SYT9: variants seen among roughly 807,000 people sequenced by gnomAD.
The protein encoded by SYT9 is synaptotagmin 9, also known as synaptotagmin-9.
In SYT9, 22 loss-of-function variants were observed where a neutral mutation model predicts 48.4. The observed-to-expected ratio is 0.45, with a 90% CI of 0.32 to 0.65. The LOEUF (loss-of-function observed/expected upper bound fraction) is 0.65, where lower values mean the gene tolerates loss of function less well. Among genes scored for constraint, SYT9 ranks in the 30% least tolerant of loss-of-function variants. The pLI is 0.03. For synonymous variants in SYT9, 265 were observed against 245.0 expected, an observed-to-expected ratio of 1.08 and a Z score of -0.76; for missense variants, 577 against 622.0, an observed-to-expected ratio of 0.93 and a Z score of 0.77.
At chr11:7,428,704 G>A (rs956766934) in intron 6 of SYT9, among the ~76,000 whole-genome samples, 1 of 152,186 alleles carries the variant, frequency 6.6e-6, no homozygotes, top group African/African-American at 2.4e-5. Flanking sequence ...AATGGAAGGG[G>A]AAGGGCAGAG....
intron 6 of SYT9, 90 bp downstream of exon 6, chr11:7,420,725 G>A: frequency 6.6e-7 from 1 of 1,517,660 alleles, no homozygotes; most frequent in Non-Finnish European, 9.0e-7. Flanking sequence ...GAGTGCACCA[G>A]GATCTATGGT....
At chr11:7,406,682 C>T (rs1042109079) in intron 3 of SYT9, among the ~76,000 whole-genome samples, 13 of 151,928 alleles carry the variant, frequency 8.6e-5, no homozygotes, top group South Asian at 6.3e-4. Context: ...CTCTGATACA[C>T]GGATTTCCTT....
chr11:7,403,564 CAG>C (rs59032816), intron 3 of SYT9, among the ~76,000 whole-genome samples: 3,703 of 150,372 alleles, frequency 0.025, 140 homozygotes, highest in African/African-American at 0.083. Context: ...AATAAATAAA[CAG>C]AGAGAGAGAG....
chr11:7,269,567 C>T (rs1281953039), intron 1 of SYT9, among the ~76,000 whole-genome samples: 2 of 152,108 alleles, frequency 1.3e-5, no homozygotes, highest in African/African-American at 4.8e-5. Flanking sequence ...ACTTCAAATT[C>T]AAAGTCACAT....
chr11:7,451,969 G>T (rs1261406215), intron 6 of SYT9, among the ~76,000 whole-genome samples: 1 of 152,090 alleles, frequency 6.6e-6, no homozygotes, highest in Non-Finnish European at 1.5e-5. Context: ...CAACTCTAGA[G>T]AAAGAGATAG....
intron 3 of SYT9, among the ~76,000 whole-genome samples, chr11:7,376,684 A>T (rs1850461234): frequency 1.3e-5 from 2 of 152,054 alleles, no homozygotes; most frequent in Admixed American, 6.6e-5. Context: ...CTAATATAGC[A>T]TTGGGTAGAG....
At chr11:7,291,248 G>T (rs72855023) in intron 1 of SYT9, among the ~76,000 whole-genome samples, 2 of 152,184 alleles carry the variant, frequency 1.3e-5, no homozygotes, top group African/African-American at 4.8e-5. Context: ...GAGTGGAGGA[G>T]AGTAGATTTG....
rs187783703 is a variant in SYT9 at position 7,276,210 on chromosome 11, A to T, written c.145+23879A>T. 9.9e-5 allele frequency among the ~76,000 whole-genome samples: 15 copies of T among 151,940 alleles called. No individual in the cohort carries two copies. The South Asian group carries it at 2.3e-3, about 23-fold the overall frequency. On this transcript the variant is annotated intron_variant, in intron 1 of 6. Coordinates refer to ENST00000318881, the MANE Select transcript of SYT9 (RefSeq NM_175733.4). ...CCACATCCTCACTTTCCCATATCCA[A>T]CAGTCACCAGTTCCCGCCAGTTTTA...
intron 3 of SYT9, among the ~76,000 whole-genome samples, chr11:7,364,260 G>A (rs1850200668): frequency 6.6e-6 from 1 of 152,158 alleles, no homozygotes. Context: ...TAGTGATGTT[G>A]GCAGCGAGTT....
intron 6 of SYT9, among the ~76,000 whole-genome samples, chr11:7,446,955 C>T (rs79178863): frequency 0.022 from 3,311 of 152,286 alleles, 96 homozygotes; most frequent in African/African-American, 0.073. Flanking sequence ...TCAGCATCGC[C>T]AGGGCTGTCC....
intron 6 of SYT9, among the ~76,000 whole-genome samples, chr11:7,442,853 CA>C (rs5789518): frequency 6.6e-6 from 1 of 150,658 alleles, no homozygotes; most frequent in Non-Finnish European, 1.5e-5. Context: ...TACATCCATT[CA>C]AAAAAAAAGT....
intron 3 of SYT9, among the ~76,000 whole-genome samples, chr11:7,365,348 T>C (rs898015809): frequency 2.6e-5 from 4 of 152,216 alleles, no homozygotes; most frequent in Non-Finnish European, 4.4e-5. Flanking sequence ...TTTGGTATTT[T>C]CTCAGCCGAA....
intron 2 of SYT9, among the ~76,000 whole-genome samples, chr11:7,306,892 C>A (rs1336246521): frequency 6.6e-6 from 1 of 152,192 alleles, no homozygotes; most frequent in African/African-American, 2.4e-5. Flanking sequence ...TTTGTTTCTT[C>A]CTGTCTATCC....
At chr11:7,247,731 T>G (rs1400114967), upstream of SYT9, among the ~76,000 whole-genome samples, 1 of 150,846 alleles carries the variant, frequency 6.6e-6, no homozygotes, top group Non-Finnish European at 1.5e-5. Flanking sequence ...CATTGATTGA[T>G]GGACATTTGG....
chr11:7,336,912 A>G (rs895848540), intron 3 of SYT9, among the ~76,000 whole-genome samples: 2 of 152,214 alleles, frequency 1.3e-5, no homozygotes, highest in African/African-American at 4.8e-5. Context: ...TAATAGGAAT[A>G]GCATTGGATC....
intron 3 of SYT9, among the ~76,000 whole-genome samples, chr11:7,406,535 CAT>C (rs57371051): frequency 0.088 from 11,815 of 134,938 alleles, 555 homozygotes; most frequent in East Asian, 0.25. Flanking sequence ...TTCAATTGCG[CAT>C]ATATATATAT....
chr11:7,241,038 T>C (rs1847734432), intron 1 of SYT9, among the ~76,000 whole-genome samples: 1 of 152,158 alleles, frequency 6.6e-6, no homozygotes, highest in Non-Finnish European at 1.5e-5. Flanking sequence ...TAGTCTTCTA[T>C]GGGGAATAAA....
At chr11:7,324,521 G>A (rs1849393361) in intron 3 of SYT9, among the ~76,000 whole-genome samples, 1 of 151,580 alleles carries the variant, frequency 6.6e-6, no homozygotes, top group Admixed American at 6.6e-5. Flanking sequence ...TTTAAAATAT[G>A]CATTTAAGAC....
intron 3 of SYT9, among the ~76,000 whole-genome samples, chr11:7,328,794 C>T (rs1181912369): frequency 6.6e-6 from 1 of 152,056 alleles, no homozygotes; most frequent in African/African-American, 2.4e-5. Flanking sequence ...TGTTAGCCCT[C>T]TCAGTTTTTA....
Sources: allele counts gnomAD v4.1 joint callset (sites outside exome capture counted in the v4.1 genomes callset), GRCh38; gene constraint gnomAD v4.1.1; transcripts MANE v1.5; gene names NCBI Gene and HGNC (gene_info 2026-07-23, HGNC 2026-07-21).